TRHDE: variants seen among roughly 807,000 people sequenced by gnomAD.
TRHDE encodes thyrotropin releasing hormone degrading enzyme.
TRHDE carries 72 observed loss-of-function variants against 125.7 expected under a neutral mutation model. That is an observed-to-expected ratio of 0.57 (90% CI 0.47 to 0.70). The LOEUF is 0.70. Ranked by LOEUF, TRHDE falls within the 30% of genes least tolerant of loss-of-function variation. The pLI is 0.00. For missense variants in TRHDE, 1,110 were observed against 1,327.1 expected (o/e 0.84, Z 2.54); for synonymous variants, 509 against 509.1 (o/e 1.00, Z 0.00).
rs553222621 is a variant in TRHDE, at chr12:72,447,093, C to T, written c.1316-22665C>T. Reference sequence around the variant, plus strand: ...TCTCAGCACTGCATCGCACTTATTCCGAAATTGACCACATAGTTGGAAGTA... The same window carrying T: ...TCTCAGCACTGCATCGCACTTATTCTGAAATTGACCACATAGTTGGAAGTA... On this transcript the variant is annotated intron_variant, in intron 3 of 18. Transcript: ENST00000261180. Among the ~76,000 whole-genome samples the T allele has an allele frequency of 1.8e-4, 28 of 152,138 alleles. 1 individual carries two copies. The highest frequency in any genetic ancestry group is 6.2e-4 in the South Asian group (3 of 4,826).
intron 6 of TRHDE, among the ~76,000 whole-genome samples, chr12:72,536,078 G>C (rs1437932710): frequency 6.6e-6 from 1 of 152,112 alleles, no homozygotes; most frequent in African/African-American, 2.4e-5. Context: ...TCTTGTGCTG[G>C]AGGAGAGCAA....
rs570703421 is a variant in TRHDE, at chr12:72,340,198, A to G, written c.1189-37797A>G. ...CTCAGAAAATGATAGAGAAGTCATGATTGATGATCTGTTACTTGGTGTGTG... is the reference window on the plus strand; with the variant it reads ...CTCAGAAAATGATAGAGAAGTCATGGTTGATGATCTGTTACTTGGTGTGTG... On this transcript the variant is annotated intron_variant, in intron 2 of 18. Coordinates refer to ENST00000261180, the MANE Select transcript of TRHDE (RefSeq NM_013381.3). Among the ~76,000 whole-genome samples the G allele has an allele frequency of 1.4e-4, 21 of 152,252 alleles. No homozygotes were observed. The South Asian group carries it at 3.5e-3, about 26-fold the overall frequency.
chr12:72,466,543 G>A (rs2135892806), intron 3 of TRHDE, among the ~76,000 whole-genome samples: 1 of 152,262 alleles, frequency 6.6e-6, no homozygotes, highest in South Asian at 2.1e-4. Flanking sequence ...TTTAGACAAG[G>A]TGTTAAGGTA....
At chr12:72,266,133 A>G (rs887642467) in intron 2 of TRHDE, among the ~76,000 whole-genome samples, 1 of 152,064 alleles carries the variant, frequency 6.6e-6, no homozygotes, top group African/African-American at 2.4e-5. Context: ...TATTAAATGA[A>G]AGAATGGGGA....
intron 3 of TRHDE, among the ~76,000 whole-genome samples, chr12:72,407,786 G>A (rs1313525405): frequency 6.6e-6 from 1 of 152,184 alleles, no homozygotes; most frequent in Non-Finnish European, 1.5e-5. Context: ...TGGAAGTGTA[G>A]TAGACAGCAC....
chr12:72,514,165 C>T (rs1878725892), intron 6 of TRHDE, among the ~76,000 whole-genome samples: 1 of 152,050 alleles, frequency 6.6e-6, no homozygotes, highest in Non-Finnish European at 1.5e-5. Flanking sequence ...CTTCATATCT[C>T]ATCTCAAAAG....
chr12:72,238,679 T>C lies in TRHDE; in HGVS notation n.279+132927T>C, dbSNP rs546389258. Among the ~76,000 whole-genome samples the C allele has an allele frequency of 1.4e-3, 210 of 152,100 alleles. 2 individuals are homozygous for C. Among genetic ancestry groups the C allele is most frequent in the African/African-American group, 4.9e-3 (202 of 41,500 alleles). On this transcript the variant is annotated intron_variant and non_coding_transcript_variant, in intron 2 of 4. Coordinates refer to the TRHDE transcript ENST00000548156. ...TGTTTTTGTGATAGTTTGCTAAGAA[T>C]GATGGTTTCCAGCTTCATCCATGTC...
chr12:72,460,060 T>C (rs534790768), intron 3 of TRHDE, among the ~76,000 whole-genome samples: 430 of 152,312 alleles, frequency 2.8e-3, no homozygotes, highest in Non-Finnish European at 4.5e-3. Flanking sequence ...CTTTTATAAG[T>C]GATAGTATGT....
At chr12:72,410,885 A>C (rs1873468620) in intron 3 of TRHDE, among the ~76,000 whole-genome samples, 1 of 151,644 alleles carries the variant, frequency 6.6e-6, no homozygotes, top group South Asian at 2.1e-4. Flanking sequence ...AAAAAAAAAA[A>C]GATTTGAGAT....
chr12:72,575,640 TA>T, intron 12 of TRHDE, 98 bp downstream of exon 12: 6 of 1,132,832 alleles, frequency 5.3e-6, no homozygotes, highest in East Asian at 2.4e-5. Context: ...TTAGGACATT[TA>T]AAAAAATCTA....
At chr12:72,290,382 CTT>C (rs1252711808) in intron 2 of TRHDE, among the ~76,000 whole-genome samples, 1 of 152,124 alleles carries the variant, frequency 6.6e-6, no homozygotes, top group African/African-American at 2.4e-5. Flanking sequence ...ACCTTAACCT[CTT>C]TTTATTCTGA....
At chr12:72,102,109 A>C (rs1022482962) in intron 1 of TRHDE, among the ~76,000 whole-genome samples, 2 of 152,166 alleles carry the variant, frequency 1.3e-5, no homozygotes, top group South Asian at 2.1e-4. Context: ...CACAATTGGG[A>C]GTGTAGAGAC....
intron 15 of TRHDE, among the ~76,000 whole-genome samples, chr12:72,634,891 C>T (rs11179295): frequency 0.15 from 22,103 of 151,880 alleles, 2,201 homozygotes; most frequent in East Asian, 0.54. Flanking sequence ...TTTCTTAATC[C>T]AGTCTATCAT....
chr12:72,314,335 C>CCCTT (rs200746563), intron 2 of TRHDE, among the ~76,000 whole-genome samples: 1 of 142,216 alleles, frequency 7.0e-6, no homozygotes, highest in Non-Finnish European at 1.5e-5. Context: ...CTCCCTCCCT[C>CCCTT]CCTTCCTTCC....
At chr12:72,480,824 A>G (rs1877134068) in intron 5 of TRHDE, among the ~76,000 whole-genome samples, 1 of 152,158 alleles carries the variant, frequency 6.6e-6, no homozygotes, top group Admixed American at 6.6e-5. Flanking sequence ...GATAAACCAA[A>G]AAATTGATAA....
intron 1 of TRHDE, among the ~76,000 whole-genome samples, chr12:72,098,821 G>A (rs1451332413): frequency 2.6e-5 from 4 of 152,118 alleles, no homozygotes; most frequent in Non-Finnish European, 2.9e-5. Flanking sequence ...ATAAGCCCAG[G>A]CAAAACTAGC....
chr12:72,666,709 T>A lies in TRHDE; in HGVS notation c.*3514T>A, dbSNP rs953309564. Reference sequence around the variant, plus strand: ...AGATTTTCCAAATACTAGACCAGCATCAAAATACACAGTTAAATATATTTG... The same window carrying A: ...AGATTTTCCAAATACTAGACCAGCAACAAAATACACAGTTAAATATATTTG... On this transcript the variant is annotated 3_prime_UTR_variant, in exon 19 of 19. Coordinates refer to ENST00000261180, the MANE Select transcript of TRHDE (RefSeq NM_013381.3). 6.6e-6 allele frequency: 1 copy of A among 152,104 alleles called. No individual in the cohort carries two copies. The highest frequency in any genetic ancestry group is 6.6e-5 in the Admixed American group (1 of 15,242). The allele number at this position is 152,104 out of a possible 1,614,324, so 9.4% of individuals were successfully genotyped here. A position where few individuals can be genotyped will look rare whatever the true frequency, so the allele number is the denominator to read the frequency against.
chr12:72,168,604 T>C (rs896842764), intron 2 of TRHDE, among the ~76,000 whole-genome samples: 1 of 152,222 alleles, frequency 6.6e-6, no homozygotes, highest in Non-Finnish European at 1.5e-5. Context: ...GTTAAGTACA[T>C]AGATTTCTAC....
chr12:72,447,410 A>G (rs887325139), intron 3 of TRHDE, among the ~76,000 whole-genome samples: 4 of 152,182 alleles, frequency 2.6e-5, no homozygotes, highest in Non-Finnish European at 4.4e-5. Context: ...CACAAGAGAA[A>G]GCAGGAAAGA....
Sources: gnomAD v4.1 joint callset for allele counts (sites outside exome capture counted in the v4.1 genomes callset) on GRCh38, gnomAD v4.1.1 for gene constraint, MANE v1.5 for transcripts, NCBI Gene and HGNC (gene_info 2026-07-23, HGNC 2026-07-21) for gene names.